The following GTF3C1 variants were observed in gnomAD, a reference collection of about 807,000 sequenced individuals.
The protein encoded by GTF3C1 is general transcription factor IIIC subunit 1.
A neutral mutation model predicts 226.7 loss-of-function variants in GTF3C1; 57 were observed. That is an observed-to-expected ratio of 0.25 (90% CI 0.20 to 0.31). The LOEUF is 0.31. GTF3C1 is among the 10% of genes least tolerant of loss of function. The pLI is 1.00. For synonymous variants in GTF3C1, 1,090 were observed against 1,084.8 expected, an observed-to-expected ratio of 1.00 and a Z score of -0.09; for missense variants, 2,217 against 2,776.1, an observed-to-expected ratio of 0.80 and a Z score of 4.53.
chr16:27,505,859 T>G, intron 10 of GTF3C1, 40 bp downstream of exon 10: 3 of 1,096,826 alleles, frequency 2.7e-6, no homozygotes, highest in Non-Finnish European at 4.2e-6. Flanking sequence ...GGCCACAGAC[T>G]CCTTCTTGGA....
Position 27,533,366 on chromosome 16 carries a change from G to C in GTF3C1, c.774C>G (p.Leu258=). 1 of 1,603,688 alleles carries C rather than the reference G, an allele frequency of 6.2e-7. No individual in the cohort carries two copies. The highest frequency in any genetic ancestry group is 2.2e-5 in the East Asian group (1 of 44,840). ...HVDRRSKYDI[L]MEKLSVMLST... ...TCAGCATGACCGAAAGCTTCTCCATGAGGATGTCGTATTTGCTCCTCCTGC... is the reference window on the plus strand; with the variant it reads ...TCAGCATGACCGAAAGCTTCTCCATCAGGATGTCGTATTTGCTCCTCCTGC... Residue 258 remains leucine (L), a synonymous_variant, in exon 5 of 37, where the codon CTC becomes CTG. Coordinates refer to ENST00000356183, the MANE Select transcript of GTF3C1 (RefSeq NM_001520.4).
In GTF3C1 at chr16:27,471,939, AG is replaced by A. The variant is rs2087877293; in HGVS notation, c.4354-20del. 1 of 1,610,870 alleles carries A rather than the reference AG, an allele frequency of 6.2e-7. No homozygotes were observed. The highest frequency in any genetic ancestry group is 1.1e-5 in the South Asian group (1 of 91,024). ...GGAAAGTCTGCAACACAGGGCGGCG[AG>A]GGTGAGTAGGGTTCTCCAGCCGGCC... On this transcript the variant is annotated intron_variant, in intron 29 of 36. Transcript: ENST00000356183. The surrounding 1 kb of genome is among the most constrained non-coding windows in gnomAD (Gnocchi z 5.0).
At chr16:27,475,764 C>A (rs112539488) in intron 29 of GTF3C1, among the ~76,000 whole-genome samples, 2 of 152,172 alleles carry the variant, frequency 1.3e-5, no homozygotes, top group African/African-American at 2.4e-5. Context: ...GACTCACTGC[C>A]CACGGAAAGG....
rs768402256 is a variant in GTF3C1, at chr16:27,481,207, C to G, written c.4084-16G>C. 6.2e-7 allele frequency: 1 copy of G among 1,605,054 alleles called. No individual in the cohort carries two copies. Among genetic ancestry groups the G allele is most frequent in the Non-Finnish European group, 8.5e-7 (1 of 1,171,750 alleles). Reference sequence around the variant, plus strand: ...TGGCACAAACCTTTCAACATGAGAGCATGAGAGGTTAAGCCCTTACTCTTC... The same window carrying G: ...TGGCACAAACCTTTCAACATGAGAGGATGAGAGGTTAAGCCCTTACTCTTC... On this transcript the variant is annotated splice_polypyrimidine_tract_variant and intron_variant, in intron 26 of 36. Transcript: ENST00000356183.
At chr16:27,517,963 A>G (rs1460798021) in intron 6 of GTF3C1, among the ~76,000 whole-genome samples, 1 of 152,192 alleles carries the variant, frequency 6.6e-6, no homozygotes, top group Non-Finnish European at 1.5e-5. Flanking sequence ...GTGAGGCGGA[A>G]CCAAGAGTCT....
At position 27,486,986 on chromosome 16, in the gene GTF3C1, C is replaced by T. The variant is rs567640661; in HGVS notation, c.3701-832G>A. Among the ~76,000 whole-genome samples, 58 of 152,340 alleles carry T rather than the reference C, an allele frequency of 3.8e-4. 1 individual carries two copies. In the South Asian group the frequency reaches 4.6e-3, roughly 12 times the overall value. On this transcript the variant is annotated intron_variant, in intron 23 of 36. Coordinates refer to ENST00000356183, the MANE Select transcript of GTF3C1 (RefSeq NM_001520.4). ...GATCTGAACCTTGAGAGCGTAGCCA[C>T]AGGGCTGCCAAGGTCTCCTGCCCAG...
chr16:27,492,748 A>G lies in GTF3C1; in HGVS notation c.2877-35T>C, dbSNP rs767853698. On this transcript the variant is annotated intron_variant, in intron 17 of 36. Transcript: ENST00000356183. This position sits in a 1 kb window ranked among gnomAD's most constrained non-coding sequence, Gnocchi z 5.0. Reference sequence around the variant, plus strand: ...AGAGGGGGCGGGAGGTTCTCATCACACCACACTCGCAGCCGGCCGCAGGGG... The same window carrying G: ...AGAGGGGGCGGGAGGTTCTCATCACGCCACACTCGCAGCCGGCCGCAGGGG... The G allele has an allele frequency of 1.7e-6, 2 of 1,157,820 alleles. No individual in the cohort carries two copies. The highest frequency in any genetic ancestry group is 1.2e-5 in the South Asian group (1 of 82,076). The allele number at this position is 1,157,820 out of a possible 1,614,324, so 71.7% of individuals were successfully genotyped here.
At chr16:27,476,423 G>A (rs1422366050) in intron 29 of GTF3C1, 28 bp downstream of exon 29, 15 of 1,430,040 alleles carry the variant, frequency 1.0e-5, no homozygotes, top group East Asian at 9.1e-5. Flanking sequence ...CCACATCCCC[G>A]CTGTGCTGCC....
Position 27,495,335 on chromosome 16 carries a change from T to C in GTF3C1, c.2508A>G (p.Ser836=). The change falls in exon 15 of 37, where the codon TCA becomes TCG. Residue 836 remains serine, a synonymous_variant. Transcript: ENST00000356183. ...AGGACGGCCGGACGCCTGCCCTGCCTGACTCCTGCTTTATCGTTCTCCGTT... is the reference window on the plus strand; with the variant it reads ...AGGACGGCCGGACGCCTGCCCTGCCCGACTCCTGCTTTATCGTTCTCCGTT... ...ISERRTIKQE[S]GRAGVRPSSS... 1 of 1,614,076 alleles carries C rather than the reference T, an allele frequency of 6.2e-7. No individual in the cohort carries two copies. Among genetic ancestry groups the C allele is most frequent in the Non-Finnish European group, 8.5e-7 (1 of 1,179,932 alleles).
Position 27,493,288 on chromosome 16 carries a change from G to C in GTF3C1, c.2787C>G (p.Asn929Lys), listed in dbSNP as rs778169580. 19 of 1,586,742 alleles carry C rather than the reference G, an allele frequency of 1.2e-5. 1 individual carries two copies. In the South Asian group the frequency reaches 2.1e-4, roughly 18 times the overall value. ...GCGGGTCGTTCAGAAATTCCTCCAG[G>C]TTGTCCACCTGAAGAGGTGATGTGC... Reference protein sequence around the residue: ...QIVQVSYKVDNLEEFLNDPLK... With the variant: ...QIVQVSYKVDKLEEFLNDPLK... The change falls in exon 17 of 37, where the codon AAC (asparagine) becomes AAG (lysine). Residue 929 changes from asparagine (N) to lysine (K), a missense_variant. By Grantham distance (94) the Asn-to-Lys change is moderately conservative. Around this residue, in one of 12 missense-constraint regions of GTF3C1, gnomAD observed 353 missense variants for 411.7 expected, o/e 0.86. Coordinates refer to ENST00000356183, the MANE Select transcript of GTF3C1 (RefSeq NM_001520.4).
At position 27,495,397 on chromosome 16, in the gene GTF3C1, C is replaced by T. The variant is rs1027579869; in HGVS notation, c.2446G>A (p.Ala816Thr). Residue 816 changes from alanine to threonine, a missense_variant, in exon 15 of 37, where the codon GCC (alanine) becomes ACC (threonine). By Grantham distance (58) the Ala-to-Thr change is moderately conservative. This residue lies in a region of GTF3C1 where 353 missense variants were observed against 411.7 expected (regional missense o/e 0.86). Coordinates refer to ENST00000356183, the MANE Select transcript of GTF3C1 (RefSeq NM_001520.4). ...CTTGGCTTCTCCACGGTGTTGCTGG[C>T]AGGGTGCCCGTAGATGAGGTACCAC... ...FLWYLIYGHP[A>T]SNTVEKPSFI... The T allele has an allele frequency of 1.2e-6, 2 of 1,613,950 alleles. No individual in the cohort carries two copies. The highest frequency in any genetic ancestry group is 2.7e-5 in the African/African-American group (2 of 74,932).
chr16:27,484,512 T>C (rs1433943519), intron 24 of GTF3C1, among the ~76,000 whole-genome samples, 159 bp from the exon 25 acceptor site: 1 of 152,214 alleles, frequency 6.6e-6, no homozygotes, highest in African/African-American at 2.4e-5. Context: ...GCCCACCATG[T>C]GCCAGACACT....
At chr16:27,549,631 G>GGCCCCCCCCCCCCCCCCCC in intron 1 of GTF3C1, 39 bp downstream of exon 1, 3 of 691,950 alleles carry the variant, frequency 4.3e-6, no homozygotes, top group Non-Finnish European at 7.3e-6. Context: ...CGGGCCCTGC[G>GGCCCCCCCCCCCCCCCCCC]CCCGCCCGCC....
chr16:27,476,312 G>A, intron 29 of GTF3C1, 139 bp downstream of exon 29: 1 of 590,464 alleles, frequency 1.7e-6, no homozygotes, highest in Non-Finnish European at 3.0e-6. Context: ...AAAAAATAAA[G>A]TTGAAAGACA....
intron 23 of GTF3C1, among the ~76,000 whole-genome samples, chr16:27,487,940 G>A (rs949337182): frequency 5.9e-5 from 9 of 152,160 alleles, no homozygotes; most frequent in Non-Finnish European, 1.2e-4. Flanking sequence ...TTTTTCAGCT[G>A]AGATGAAACT....
chr16:27,466,506 GA>G (rs1455236378), intron 32 of GTF3C1, among the ~76,000 whole-genome samples: 1 of 152,108 alleles, frequency 6.6e-6, no homozygotes, highest in Non-Finnish European at 1.5e-5. Context: ...CCCTATTCCT[GA>G]AACACAACAA....
intron 22 of GTF3C1, 35 bp from the exon 23 acceptor site, chr16:27,488,450 C>T (rs771857794): frequency 6.3e-6 from 10 of 1,578,070 alleles, no homozygotes; most frequent in African/African-American, 1.3e-5. Context: ...AGTTTCAGGA[C>T]GAGTGCTGCA....
intron 26 of GTF3C1, among the ~76,000 whole-genome samples, chr16:27,481,985 G>A (rs1484037201): frequency 4.6e-5 from 7 of 152,142 alleles, no homozygotes; most frequent in Admixed American, 3.9e-4. Flanking sequence ...CAGTCTCCTA[G>A]GATACACCAG....
chr16:27,465,902 T>G, intron 32 of GTF3C1: 1 of 279,018 alleles, frequency 3.6e-6, no homozygotes, highest in Non-Finnish European at 7.0e-6. Flanking sequence ...CCTGGTCCCA[T>G]CCCTTCCTGC....
Sources: allele counts gnomAD v4.1 joint callset (sites outside exome capture counted in the v4.1 genomes callset), GRCh38; gene constraint gnomAD v4.1.1; regional missense constraint gnomAD v4.1.1; non-coding constraint Gnocchi (gnomAD v3.1); transcripts MANE v1.5; gene names NCBI Gene and HGNC (gene_info 2026-07-23, HGNC 2026-07-21).